Variants in DLG3 observed in about 807,000 individuals in gnomAD.
The protein encoded by DLG3 is discs large MAGUK scaffold protein 3, also known as disks large homolog 3.
A neutral mutation model predicts 64.1 loss-of-function variants in DLG3; 1 was observed. The observed-to-expected ratio is 0.02, with a 90% CI of 0.01 to 0.07. The LOEUF (loss-of-function observed/expected upper bound fraction) is 0.07, where lower values mean the gene tolerates loss of function less well. Ranked by LOEUF, DLG3 falls within the 10% of genes least tolerant of loss-of-function variation. DLG3 has a pLI of 1.00. For missense variants in DLG3, 429 were observed against 669.5 expected (o/e 0.64, Z 3.96); for synonymous variants, 245 against 259.8 (o/e 0.94, Z 0.55).
At chrX:70,501,678 A>G (rs1267342231) in intron 18 of DLG3, among the ~76,000 whole-genome samples, 2 of 110,902 alleles carry the variant, frequency 1.8e-5, no homozygotes, top group Admixed American at 1.9e-4. Context: ...GACCTCTGAC[A>G]TACAGCAGAT....
intron 10 of DLG3, 32 bp from the exon 11 acceptor site, chrX:70,492,075 A>G (rs2087369590): frequency 1.7e-6 from 2 of 1,163,444 alleles, no homozygotes; most frequent in Admixed American, 5.2e-5. Context: ...TTAGGGTTGG[A>G]TGATCACTTC....
Position 70,459,646 on chromosome X carries a change from G to A in DLG3, c.1405+5330G>A, listed in dbSNP as rs7890780. Among the ~76,000 whole-genome samples, 602 of 112,192 alleles carry A rather than the reference G, an allele frequency of 5.4e-3. 6 individuals carry two copies. Among genetic ancestry groups the A allele is most frequent in the African/African-American group, 0.018 (543 of 30,815 alleles). ...TTACATTTATCTTTGTGTCCCCAGC[G>A]TCTAGTATGGAGCCTGGCAAATAGT... On this transcript the variant is annotated intron_variant, in intron 9 of 18. Coordinates refer to ENST00000374360, the MANE Select transcript of DLG3 (RefSeq NM_021120.4).
intron 9 of DLG3, among the ~76,000 whole-genome samples, chrX:70,463,587 A>G (rs1044354256): frequency 8.9e-6 from 1 of 111,801 alleles, no homozygotes; most frequent in East Asian, 2.8e-4. Flanking sequence ...CAATAGGGTA[A>G]TTGTTTTTTG....
intron 6 of DLG3, chrX:70,451,108 T>A (rs2086612714): frequency 1.0e-5 from 3 of 288,785 alleles, no homozygotes; most frequent in Non-Finnish European, 6.1e-6. Flanking sequence ...TTTGTTTTTT[T>A]GTTTGTTTGT....
At chrX:70,450,913 A>G (rs2086610424) in intron 6 of DLG3, 130 bp downstream of exon 6, 1 of 872,449 alleles carries the variant, frequency 1.1e-6, no homozygotes, top group Non-Finnish European at 1.6e-6. Context: ...AGCAGCCAAT[A>G]AGGTTTATCT....
chrX:70,482,384 A>G (rs972738017), intron 10 of DLG3, among the ~76,000 whole-genome samples: 3 of 112,365 alleles, frequency 2.7e-5, no homozygotes, highest in Admixed American at 9.4e-5. Context: ...GACCTTTGTT[A>G]TTCTCTTTAA....
chrX:70,462,540 G>A (rs751498298), intron 9 of DLG3, among the ~76,000 whole-genome samples: 3 of 111,493 alleles, frequency 2.7e-5, no homozygotes, highest in Admixed American at 9.6e-5. Flanking sequence ...TTACAGGCGC[G>A]AGCCACCATA....
intron 12 of DLG3, 49 bp from the exon 13 acceptor site, chrX:70,495,359 C>A: frequency 1.7e-6 from 2 of 1,144,596 alleles, no homozygotes; most frequent in Non-Finnish European, 2.4e-6. Context: ...CCCCTTCCCC[C>A]CTCTTCTCCC....
intron 9 of DLG3, among the ~76,000 whole-genome samples, chrX:70,469,446 CTTTT>C (rs869146273): frequency 1.0e-5 from 1 of 99,247 alleles, no homozygotes; most frequent in African/African-American, 3.6e-5. Flanking sequence ...CCATTTCTTT[CTTTT>C]TTTTTTTTTT....
chrX:70,452,434 G>GTGGCCTCGCCGGCAACGGCCCCGCCCCGC, intron 7 of DLG3: 1 of 955,329 alleles, frequency 1.0e-6, no homozygotes, highest in Non-Finnish European at 1.3e-6. Context: ...GACCGGCCCG[G>GTGGCCTCGCCGGCAACGGCCCCGCCCCGC]TGGCCTCGCC....
At chrX:70,497,237 T>C in intron 13 of DLG3, 1 of 1,202,586 alleles carries the variant, frequency 8.3e-7, no homozygotes. Flanking sequence ...TGTGTGTCAT[T>C]CCTTCCATGT....
intron 9 of DLG3, among the ~76,000 whole-genome samples, chrX:70,457,485 G>C (rs939950211): frequency 1.8e-5 from 2 of 111,811 alleles, no homozygotes; most frequent in African/African-American, 6.5e-5. Flanking sequence ...TGAGAGGTAA[G>C]TCATTTACCA....
At chrX:70,447,649 T>A (rs766569825) in intron 1 of DLG3, among the ~76,000 whole-genome samples, 1 of 111,839 alleles carries the variant, frequency 8.9e-6, no homozygotes, top group East Asian at 2.8e-4. Flanking sequence ...AGGAGGAGGC[T>A]AGAGGTCAGG....
At chrX:70,490,871 A>G (rs1202923846) in intron 10 of DLG3, among the ~76,000 whole-genome samples, 1 of 111,682 alleles carries the variant, frequency 9.0e-6, no homozygotes, top group Non-Finnish European at 1.9e-5. Context: ...GTGACTCCAT[A>G]TGAAGACAGG....
chrX:70,497,071 A>T, intron 13 of DLG3: 1 of 797,198 alleles, frequency 1.3e-6, no homozygotes, highest in Non-Finnish European at 1.9e-6. Context: ...TGGTGGCCTG[A>T]CTCAGTTGGC....
intron 16 of DLG3, 111 bp from the exon 17 acceptor site, chrX:70,500,360 T>G: frequency 3.2e-5 from 15 of 473,309 alleles, no homozygotes; most frequent in East Asian, 4.7e-5. Context: ...CTCGTGCCCC[T>G]CCCCTCACCC....
chrX:70,459,568 G>T (rs1239821625), intron 9 of DLG3, among the ~76,000 whole-genome samples: 1 of 112,389 alleles, frequency 8.9e-6, no homozygotes, highest in Non-Finnish European at 1.9e-5. Flanking sequence ...GAAAGAAAAT[G>T]ATTTCCTATC....
chrX:70,461,133 G>T (rs1406976681), intron 9 of DLG3, among the ~76,000 whole-genome samples: 1 of 111,666 alleles, frequency 9.0e-6, no homozygotes, highest in Non-Finnish European at 1.9e-5. Flanking sequence ...TGGTGGAATG[G>T]CCAGGCTGCT....
intron 17 of DLG3, 107 bp from the exon 18 acceptor site, chrX:70,500,791 C>T: frequency 1.2e-6 from 1 of 826,274 alleles, no homozygotes; most frequent in Non-Finnish European, 1.8e-6. Flanking sequence ...GCCACTGCTG[C>T]TCTGAGAGGG....
Sources: allele counts gnomAD v4.1 joint callset (sites outside exome capture counted in the v4.1 genomes callset), GRCh38; gene constraint gnomAD v4.1.1; transcripts MANE v1.5; gene names NCBI Gene and HGNC (gene_info 2026-07-23, HGNC 2026-07-21).